Variants in MRPS9 observed in about 807,000 individuals in gnomAD.
MRPS9 encodes the protein small ribosomal subunit protein uS9m.
Under a neutral mutation model 59.9 loss-of-function variants are expected in MRPS9, and 45 were observed. The observed-to-expected ratio is 0.75, with a 90% CI of 0.59 to 0.96. The LOEUF (loss-of-function observed/expected upper bound fraction) is 0.96, where lower values mean the gene tolerates loss of function less well. Among genes scored for constraint, MRPS9 ranks in the 40% least tolerant of loss-of-function variants. The probability of loss-of-function intolerance (pLI) is 0.00; values close to 1 mark genes in which losing one functional copy is unlikely to be tolerated. For synonymous variants in MRPS9, 171 were observed against 166.8 expected (o/e 1.03, Z -0.19); for missense variants, 473 against 481.1 (o/e 0.98, Z 0.16).
Position 105,090,273 on chromosome 2 carries a change from T to C in MRPS9, c.651+278T>C, listed in dbSNP as rs1309490876. On this transcript the variant is annotated intron_variant, in intron 7 of 10. Transcript: ENST00000258455. ...GCCCTCATATCCTGTGCCAGTTGTT[T>C]TAGGGAAGCACGGCAGATGTTGTTT... Among the ~76,000 whole-genome samples the C allele has an allele frequency of 2.0e-5, 3 of 152,212 alleles. No individual in the cohort carries two copies. In the East Asian group the frequency reaches 5.8e-4, roughly 29 times the overall value.
intron 9 of MRPS9, among the ~76,000 whole-genome samples, chr2:105,096,429 C>A (rs1273031525): frequency 6.6e-6 from 1 of 152,058 alleles, no homozygotes; most frequent in African/African-American, 2.4e-5. Context: ...AAATGATATT[C>A]AACAAATACT....
At chr2:105,099,449 T>C (rs1243342377) in intron 10 of MRPS9, 1 of 425,122 alleles carries the variant, frequency 2.4e-6, no homozygotes. Context: ...GTTTAAATAA[T>C]GTAACTTGTG....
intron 2 of MRPS9, among the ~76,000 whole-genome samples, chr2:105,058,129 C>A (rs1355149716): frequency 6.6e-6 from 1 of 152,194 alleles, no homozygotes; most frequent in African/African-American, 2.4e-5. Context: ...ATAATTTGTG[C>A]TCACTTCTAA....
intron 2 of MRPS9, among the ~76,000 whole-genome samples, chr2:105,057,829 C>A (rs1050121913): frequency 6.6e-6 from 1 of 152,060 alleles, no homozygotes; most frequent in Non-Finnish European, 1.5e-5. Flanking sequence ...AGTTGGGAGA[C>A]CTTTCTGTTA....
rs1035064979 is a variant in MRPS9, at chr2:105,049,521, G to A, written c.315+171G>A. 5.3e-5 allele frequency among the ~76,000 whole-genome samples: 8 copies of A among 152,302 alleles called. No homozygotes were observed. In the South Asian group the frequency reaches 1.0e-3, roughly 20 times the overall value. ...CCATGGTTTCAAAGACAAATGTGCA[G>A]GATTTACTTAGTATGGTGAGTTTTA... is the stretch of plus-strand genomic sequence containing the variant. On this transcript the variant is annotated intron_variant, in intron 2 of 10. Coordinates refer to ENST00000258455, the MANE Select transcript of MRPS9 (RefSeq NM_182640.3).
At chr2:105,092,268 A>G in intron 7 of MRPS9, 133 bp from the exon 8 acceptor site, 1 of 657,112 alleles carries the variant, frequency 1.5e-6, no homozygotes, top group Non-Finnish European at 2.4e-6. Context: ...AGCAGCGTGA[A>G]GATGCAGAAG....
intron 2 of MRPS9, among the ~76,000 whole-genome samples, chr2:105,070,454 G>A (rs899700069): frequency 1.3e-5 from 2 of 152,170 alleles, no homozygotes; most frequent in Non-Finnish European, 2.9e-5. Context: ...AGGCAGAGAA[G>A]GCCCACTCAG....
chr2:105,080,184 T>C (rs1489203887), intron 5 of MRPS9, 122 bp downstream of exon 5: 4 of 560,756 alleles, frequency 7.1e-6, no homozygotes, highest in Non-Finnish European at 1.2e-5. Context: ...ATAAGACTTC[T>C]AGAGGTAGGA....
At chr2:105,048,276 C>G (rs180720517) in intron 1 of MRPS9, among the ~76,000 whole-genome samples, 1 of 151,948 alleles carries the variant, frequency 6.6e-6, no homozygotes, top group Admixed American at 6.6e-5. Flanking sequence ...ACCACATGTT[C>G]TCACTCATAG....
chr2:105,039,323 T>G (rs559318585), intron 1 of MRPS9, among the ~76,000 whole-genome samples: 1 of 151,886 alleles, frequency 6.6e-6, no homozygotes, highest in Non-Finnish European at 1.5e-5. Flanking sequence ...ATTTGTTTTT[T>G]TTTTTTTTCT....
intron 2 of MRPS9, among the ~76,000 whole-genome samples, chr2:105,052,518 T>C (rs898834800): frequency 2.6e-5 from 4 of 152,154 alleles, no homozygotes; most frequent in Admixed American, 2.6e-4. Context: ...TTTATATGTT[T>C]CTGGATTTGG....
chr2:105,048,544 T>C (rs539683734), intron 1 of MRPS9, among the ~76,000 whole-genome samples: 1 of 152,120 alleles, frequency 6.6e-6, no homozygotes, highest in South Asian at 2.1e-4. Context: ...ATGCGAGCCC[T>C]TATTTCTGCA....
At chr2:105,052,003 A>G (rs1679720047) in intron 2 of MRPS9, among the ~76,000 whole-genome samples, 1 of 152,218 alleles carries the variant, frequency 6.6e-6, no homozygotes, top group Non-Finnish European at 1.5e-5. Context: ...AGGATATCCC[A>G]TATATTTACG....
chr2:105,047,985 C>T (rs1028352397), intron 1 of MRPS9, among the ~76,000 whole-genome samples: 5 of 151,996 alleles, frequency 3.3e-5, no homozygotes, highest in East Asian at 1.9e-4. Flanking sequence ...AACTAGTTTA[C>T]GGTCCCACCA....
Position 105,079,788 on chromosome 2 carries a change from G to T in MRPS9, c.410-195G>T, listed in dbSNP as rs138992604. Among the ~76,000 whole-genome samples, 497 of 151,986 alleles carry T rather than the reference G, an allele frequency of 3.3e-3. 3 individuals are homozygous for T. Among genetic ancestry groups the T allele is most frequent in the African/African-American group, 0.011 (470 of 41,482 alleles). ...ATGTAAACATTGTTTTATGTTAATG[G>T]TATGAAATATTTAATATCCTAAATA... On this transcript the variant is annotated intron_variant, in intron 4 of 10. Coordinates refer to ENST00000258455, the MANE Select transcript of MRPS9 (RefSeq NM_182640.3).
chr2:105,084,550 A>G (rs1056962059), intron 5 of MRPS9, among the ~76,000 whole-genome samples: 1 of 152,142 alleles, frequency 6.6e-6, no homozygotes, highest in Non-Finnish European at 1.5e-5. Context: ...CTTAGTTCAG[A>G]TGTGTCTAGA....
At chr2:105,076,647 A>T (rs1161900033) in intron 4 of MRPS9, among the ~76,000 whole-genome samples, 1 of 152,220 alleles carries the variant, frequency 6.6e-6, no homozygotes, top group Non-Finnish European at 1.5e-5. Context: ...ACTCTAGAAC[A>T]GAAATAAGGT....
At chr2:105,064,665 C>G (rs1433867162) in intron 2 of MRPS9, among the ~76,000 whole-genome samples, 1 of 152,124 alleles carries the variant, frequency 6.6e-6, no homozygotes, top group Non-Finnish European at 1.5e-5. Flanking sequence ...GAGGCTCGTT[C>G]TCTGTTTGAC....
At position 105,080,032 on chromosome 2, in the gene MRPS9, T is replaced by C. The variant is rs777120542; in HGVS notation, c.459T>C (p.Thr153=). Residue 153 remains threonine (T), a synonymous_variant, in exon 5 of 11, where the codon ACT becomes ACC. Transcript: ENST00000258455. Reference sequence around the variant, plus strand: ...GTCCATTTCACTATCTCTTCTATACTGGCAAACAGTCATACTATTCATTAA... The same window carrying C: ...GTCCATTTCACTATCTCTTCTATACCGGCAAACAGTCATACTATTCATTAA... ...DGRPFHYLFY[T]GKQSYYSLMH... 1 of 1,610,762 alleles carries C rather than the reference T, an allele frequency of 6.2e-7. No individual in the cohort carries two copies. Among genetic ancestry groups the C allele is most frequent in the East Asian group, 2.2e-5 (1 of 44,656 alleles).
Sources: gnomAD v4.1 joint callset for allele counts (sites outside exome capture counted in the v4.1 genomes callset) on GRCh38, gnomAD v4.1.1 for gene constraint, MANE v1.5 for transcripts, NCBI Gene and HGNC (gene_info 2026-07-23, HGNC 2026-07-21) for gene names.